MYO1B: variants seen among roughly 807,000 people sequenced by gnomAD.
MYO1B encodes the protein myosin IB.
MYO1B carries 72 observed loss-of-function variants against 159.7 expected under a neutral mutation model. The ratio of observed to expected loss-of-function variants is 0.45; its 90% CI spans 0.37 to 0.55. MYO1B has a LOEUF of 0.55. Ranked by LOEUF, MYO1B falls within the 20% of genes least tolerant of loss-of-function variation. The pLI is 0.00. For missense variants in MYO1B, 1,062 were observed against 1,364.8 expected, an observed-to-expected ratio of 0.78 and a Z score of 3.50; for synonymous variants, 468 against 473.8, an observed-to-expected ratio of 0.99 and a Z score of 0.16.
At chr2:191,422,092 A>G (rs1697974967) in intron 30 of MYO1B, among the ~76,000 whole-genome samples, 1 of 152,216 alleles carries the variant, frequency 6.6e-6, no homozygotes, top group African/African-American at 2.4e-5. Context: ...ACTGAAACTA[A>G]TGGATACAGA....
chr2:191,291,485 C>T (rs1356996202), intron 2 of MYO1B, among the ~76,000 whole-genome samples: 1 of 152,152 alleles, frequency 6.6e-6, no homozygotes, highest in Non-Finnish European at 1.5e-5. Flanking sequence ...TCTCTTCCCT[C>T]CCACATCTCT....
rs187765883 is a variant in MYO1B, at chr2:191,419,280, G to A, written c.3287+3038G>A. Among the ~76,000 whole-genome samples the A allele has an allele frequency of 9.9e-5, 15 of 151,930 alleles. No individual in the cohort carries two copies. The East Asian group carries it at 2.9e-3, about 29-fold the overall frequency. ...GTTGCCCAGGCTGGAGTGCAGTGGC[G>A]TGATCTCGGCTCACTGCAAGCTCCG... On this transcript the variant is annotated intron_variant, in intron 30 of 30. Coordinates refer to ENST00000392318, the MANE Select transcript of MYO1B (RefSeq NM_001130158.3).
At chr2:191,418,353 C>G (rs1361326518) in intron 30 of MYO1B, among the ~76,000 whole-genome samples, 1 of 151,846 alleles carries the variant, frequency 6.6e-6, no homozygotes, top group East Asian at 1.9e-4. Context: ...AGTGACTAAG[C>G]CCTTCCTTGC....
chr2:191,335,980 A>G (rs1253092011), intron 4 of MYO1B, among the ~76,000 whole-genome samples: 1 of 152,160 alleles, frequency 6.6e-6, no homozygotes, highest in Admixed American at 6.5e-5. Context: ...AAAAGTGCCC[A>G]TGTATTTTTA....
At chr2:191,262,590 G>A (rs921476982) in intron 1 of MYO1B, among the ~76,000 whole-genome samples, 3 of 144,654 alleles carry the variant, frequency 2.1e-5, no homozygotes, top group Admixed American at 7.1e-5. Context: ...GCACAGATGC[G>A]CTGGTTAGGC....
intron 3 of MYO1B, among the ~76,000 whole-genome samples, chr2:191,303,806 T>C (rs1201779880): frequency 7.9e-5 from 12 of 152,198 alleles, no homozygotes; most frequent in Admixed American, 3.9e-4. Context: ...TCTGCAAGGC[T>C]TTGCATCTGT....
At chr2:191,260,253 G>GTTTTTTTTTTTTTTTTTTTTTTTTT (rs1256549425) in intron 1 of MYO1B, among the ~76,000 whole-genome samples, 9 of 22,610 alleles carry the variant, frequency 4.0e-4, no homozygotes, top group Non-Finnish European at 3.9e-3. Flanking sequence ...TCCCAGATAG[G>GTTTTTTTTTTTTTTTTTTTTTTTTT]CTTTTTTTTT....
At chr2:191,257,778 G>A (rs773489522) in intron 1 of MYO1B, among the ~76,000 whole-genome samples, 1 of 152,200 alleles carries the variant, frequency 6.6e-6, no homozygotes, top group East Asian at 1.9e-4. Context: ...CTAATTTAAT[G>A]ATGCTACACA....
intron 5 of MYO1B, among the ~76,000 whole-genome samples, chr2:191,342,858 GA>G (rs1219658588): frequency 6.7e-6 from 1 of 150,228 alleles, no homozygotes; most frequent in African/African-American, 2.5e-5. Context: ...AACAAACAAA[GA>G]AAAAAAACTT....
intron 18 of MYO1B, 96 bp from the exon 19 acceptor site, chr2:191,392,012 C>T (rs1477716951): frequency 1.4e-6 from 1 of 727,566 alleles, no homozygotes; most frequent in African/African-American, 1.7e-5. Context: ...GGAAATGAAG[C>T]TATGTTTTAT....
At chr2:191,247,457 C>T (rs1465219832) in intron 1 of MYO1B, among the ~76,000 whole-genome samples, 1 of 152,030 alleles carries the variant, frequency 6.6e-6, no homozygotes, top group Non-Finnish European at 1.5e-5. Flanking sequence ...TTGTCTTTTT[C>T]GTGGGGGATG....
intron 16 of MYO1B, among the ~76,000 whole-genome samples, chr2:191,386,733 A>C (rs539444782): frequency 2.0e-5 from 3 of 152,180 alleles, no homozygotes; most frequent in Non-Finnish European, 4.4e-5. Context: ...AATTACCTTT[A>C]ATTTCAAAAT....
At chr2:191,401,767 T>C (rs1027544034) in intron 23 of MYO1B, 6 of 152,202 alleles carry the variant, frequency 3.9e-5, no homozygotes, top group Non-Finnish European at 7.3e-5. Flanking sequence ...TGAAAATCTG[T>C]GAAGAACAAA....
intron 13 of MYO1B, among the ~76,000 whole-genome samples, chr2:191,374,990 C>T (rs944411189): frequency 6.6e-6 from 1 of 152,194 alleles, no homozygotes; most frequent in African/African-American, 2.4e-5. Context: ...ACTTATCTGA[C>T]AGGCATTAAA....
At chr2:191,423,810 T>G (rs1218191422) in intron 30 of MYO1B, 27 bp from the exon 31 acceptor site, 9 of 1,597,760 alleles carry the variant, frequency 5.6e-6, no homozygotes, top group Non-Finnish European at 7.7e-6. Context: ...TGTGTATACT[T>G]TAATTTGTTT....
At chr2:191,417,927 C>T (rs1478405006) in intron 30 of MYO1B, among the ~76,000 whole-genome samples, 2 of 152,130 alleles carry the variant, frequency 1.3e-5, no homozygotes, top group Admixed American at 6.6e-5. Flanking sequence ...GGGGACAGTT[C>T]GCTTCTGGGC....
At chr2:191,356,073 A>G (rs1219166047) in intron 7 of MYO1B, among the ~76,000 whole-genome samples, 1 of 152,016 alleles carries the variant, frequency 6.6e-6, no homozygotes, top group Non-Finnish European at 1.5e-5. Context: ...CTTTTATATC[A>G]TATATTTGAT....
intron 5 of MYO1B, among the ~76,000 whole-genome samples, chr2:191,343,243 G>C (rs1692338379): frequency 6.6e-6 from 1 of 152,184 alleles, no homozygotes; most frequent in African/African-American, 2.4e-5. Context: ...AGTCATGGAA[G>C]GATGAGATTC....
chr2:191,257,737 A>T (rs1686542928), intron 1 of MYO1B, among the ~76,000 whole-genome samples: 1 of 152,264 alleles, frequency 6.6e-6, no homozygotes, highest in South Asian at 2.1e-4. Context: ...ACCTGCTATC[A>T]GCTGAAGAGC....
Sources: gnomAD v4.1 joint callset for allele counts (sites outside exome capture counted in the v4.1 genomes callset) on GRCh38, gnomAD v4.1.1 for gene constraint, MANE v1.5 for transcripts, NCBI Gene and HGNC (gene_info 2026-07-23, HGNC 2026-07-21) for gene names.